Variants in HNRNPM observed in about 807,000 individuals in gnomAD.
HNRNPM encodes the protein CEA receptor.
HNRNPM carries 11 observed loss-of-function variants against 73.1 expected under a neutral mutation model. That is an observed-to-expected ratio of 0.15 (90% CI 0.09 to 0.25). The LOEUF is 0.25. Among genes scored for constraint, HNRNPM ranks in the 10% least tolerant of loss-of-function variants. The pLI, the probability that HNRNPM is intolerant of heterozygous loss-of-function variation, is 1.00. For missense variants in HNRNPM, 789 were observed against 1,067.9 expected (o/e 0.74, Z 3.64); for synonymous variants, 407 against 355.2 (o/e 1.15, Z -1.64).
intron 9 of HNRNPM, 78 bp downstream of exon 9, chr19:8,468,912 C>A: frequency 8.4e-7 from 1 of 1,187,086 alleles, no homozygotes; most frequent in Non-Finnish European, 1.3e-6. Context: ...TATGGTTTCA[C>A]TTGAACCTGT....
rs1433832193 is a variant in HNRNPM at position 8,468,755 on chromosome 19, T to G, written c.835-19T>G. The G allele has an allele frequency of 6.2e-7, 1 of 1,608,216 alleles. No homozygotes were observed. Among genetic ancestry groups the G allele is most frequent in the Non-Finnish European group, 8.5e-7 (1 of 1,174,716 alleles). On this transcript the variant is annotated intron_variant, in intron 8 of 15. Coordinates refer to ENST00000325495, the MANE Select transcript of HNRNPM (RefSeq NM_005968.5). ...GCTGCACTGGATACTGAGATTTGTT[T>G]GTTTTCTTTCTCTTTCAGGATGAGA...
intron 12 of HNRNPM, among the ~76,000 whole-genome samples, chr19:8,482,083 C>G (rs1970961904): frequency 6.6e-6 from 1 of 151,952 alleles, no homozygotes; most frequent in Non-Finnish European, 1.5e-5. Context: ...AGCGATTCTC[C>G]CGCCTCAGCC....
chr19:8,486,984 T>G (rs1013870771), intron 14 of HNRNPM, 40 bp from the exon 15 acceptor site: 6 of 1,557,614 alleles, frequency 3.9e-6, no homozygotes, highest in African/African-American at 1.4e-5. Flanking sequence ...TAGGATTTGG[T>G]TTAATCACGC....
chr19:8,488,265 A>G (rs1971456448), intron 15 of HNRNPM: 1 of 155,196 alleles, frequency 6.4e-6, no homozygotes, highest in South Asian at 1.9e-4. Flanking sequence ...ACATATCTGG[A>G]TGCTTAACGG....
chr19:8,466,678 T>C (rs1969767533), intron 7 of HNRNPM, among the ~76,000 whole-genome samples: 1 of 151,770 alleles, frequency 6.6e-6, no homozygotes, highest in South Asian at 2.1e-4. Context: ...ATGCAAAAAT[T>C]AGCTGGGCGC....
Position 8,463,705 on chromosome 19 carries a change from C to T in HNRNPM, c.438+19C>T, listed in dbSNP as rs373048049. The T allele has an allele frequency of 2.0e-5, 30 of 1,473,056 alleles. No individual in the cohort carries two copies. In the African/African-American group the frequency reaches 3.5e-4, roughly 17 times the overall value. 91.2% of individuals were successfully genotyped at this position (1,473,056 alleles called of 1,614,324 possible). ...CAAAGAAGTAAGCTCTTGCTTAACACTGCGGATACTGTGTGTAATTGTTGA... is the reference window on the plus strand; with the variant it reads ...CAAAGAAGTAAGCTCTTGCTTAACATTGCGGATACTGTGTGTAATTGTTGA... On this transcript the variant is annotated intron_variant, in intron 5 of 15. Coordinates refer to ENST00000325495, the MANE Select transcript of HNRNPM (RefSeq NM_005968.5).
intron 2 of HNRNPM, among the ~76,000 whole-genome samples, chr19:8,460,700 T>C (rs1357187570): frequency 1.3e-5 from 2 of 152,256 alleles, no homozygotes; most frequent in African/African-American, 2.4e-5. Flanking sequence ...AAACTTCCCA[T>C]GCAACTGGGA....
In HNRNPM at chr19:8,462,282, A is replaced by T; in HGVS notation, c.284-247A>T. On this transcript the variant is annotated intron_variant, in intron 2 of 15. Coordinates refer to ENST00000325495, the MANE Select transcript of HNRNPM (RefSeq NM_005968.5). This position sits in a 1 kb window ranked among gnomAD's most constrained non-coding sequence, Gnocchi z 4.5. ...GAGTCTTCCAGACAGGGAAATTGAT[A>T]CGGAAATCTGTGGAATAGCTTGTTT... 8.5e-6 allele frequency: 4 copies of T among 468,026 alleles called. No individual in the cohort carries two copies. In the South Asian group the frequency reaches 1.2e-4, roughly 14 times the overall value. 29.0% of individuals were successfully genotyped at this position (468,026 alleles called of 1,614,324 possible). A position where few individuals can be genotyped will look rare whatever the true frequency, so the allele number is the denominator to read the frequency against.
intron 12 of HNRNPM, among the ~76,000 whole-genome samples, chr19:8,478,447 T>C (rs1433834486): frequency 2.0e-5 from 3 of 151,800 alleles, no homozygotes; most frequent in African/African-American, 7.3e-5. Flanking sequence ...AGGAAGGAGA[T>C]GGGGATATCT....
intron 1 of HNRNPM, among the ~76,000 whole-genome samples, chr19:8,453,598 C>T (rs938072199): frequency 4.0e-5 from 6 of 151,630 alleles, no homozygotes; most frequent in Non-Finnish European, 5.9e-5. Flanking sequence ...GTTTTTTTTC[C>T]GGTTTTGTCA....
rs1969457481 is a variant in HNRNPM, at chr19:8,462,290, CTG to C, written c.284-236_284-235del. 1 of 482,356 alleles carries C rather than the reference CTG, an allele frequency of 2.1e-6. No homozygotes were observed. The highest frequency in any genetic ancestry group is 3.8e-6 in the Non-Finnish European group (1 of 264,502). 29.9% of individuals were successfully genotyped at this position (482,356 alleles called of 1,614,324 possible). A position where few individuals can be genotyped will look rare whatever the true frequency, so the allele number is the denominator to read the frequency against. Reference sequence around the variant, plus strand: ...CAGACAGGGAAATTGATACGGAAATCTGTGGAATAGCTTGTTTGTGGTGGGAG... The same window carrying C: ...CAGACAGGGAAATTGATACGGAAATCTGGAATAGCTTGTTTGTGGTGGGAG... On this transcript the variant is annotated intron_variant, in intron 2 of 15. Coordinates refer to ENST00000325495, the MANE Select transcript of HNRNPM (RefSeq NM_005968.5). The surrounding 1 kb of genome is among the most constrained non-coding windows in gnomAD (Gnocchi z 4.5).
intron 10 of HNRNPM, among the ~76,000 whole-genome samples, chr19:8,473,118 G>A (rs2145703751): frequency 6.6e-6 from 1 of 152,188 alleles, no homozygotes; most frequent in South Asian, 2.1e-4. Context: ...AGGTGTGGTG[G>A]CGTAGTCCCA....
At chr19:8,469,703 C>T (rs915483940) in intron 9 of HNRNPM, among the ~76,000 whole-genome samples, 2 of 152,172 alleles carry the variant, frequency 1.3e-5, no homozygotes, top group Admixed American at 6.5e-5. Flanking sequence ...GAATCACTGG[C>T]GCAGGTAAAG....
chr19:8,479,078 C>CTTTTTTTTT lies in HNRNPM; in HGVS notation c.1121-4064_1121-4056dup, dbSNP rs74176651. 1.2e-3 allele frequency among the ~76,000 whole-genome samples: 86 copies of CTTTTTTTTT among 73,836 alleles called. 3 individuals carry two copies. The highest frequency in any genetic ancestry group is 1.3e-3 in the Non-Finnish European group (51 of 39,428). The allele number at this position is 73,836 out of a possible 152,430, so 48.4% of individuals were successfully genotyped here. On this transcript the variant is annotated intron_variant, in intron 12 of 15. Transcript: ENST00000325495. ...ATTTCCTCCTCTTTTTTCTTTCTTT[C>CTTTTTTTTT]TTTTTTTTTTTTTTTTTTTTTTTTC... is the stretch of plus-strand genomic sequence containing the variant.
intron 12 of HNRNPM, among the ~76,000 whole-genome samples, chr19:8,478,264 A>C (rs1273193958): frequency 6.6e-6 from 1 of 152,178 alleles, no homozygotes; most frequent in East Asian, 1.9e-4. Flanking sequence ...AAGAATGAAT[A>C]ATGGTTTCCT....
chr19:8,485,127 A>G (rs1242490612), intron 13 of HNRNPM, among the ~76,000 whole-genome samples: 1 of 151,722 alleles, frequency 6.6e-6, no homozygotes, highest in Non-Finnish European at 1.5e-5. Context: ...CCCCCAGCAG[A>G]GCATCCTAGA....
intron 12 of HNRNPM, among the ~76,000 whole-genome samples, chr19:8,479,974 C>T (rs1180606931): frequency 6.8e-6 from 1 of 146,144 alleles, no homozygotes; most frequent in Non-Finnish European, 1.5e-5. Flanking sequence ...GGGGTTTCAC[C>T]ATCTTGGCCA....
intron 15 of HNRNPM, chr19:8,488,482 A>T: frequency 2.2e-6 from 1 of 450,086 alleles, no homozygotes; most frequent in Admixed American, 3.7e-5. Context: ...CGTGCATTGA[A>T]TCCGCCAGGA....
intron 5 of HNRNPM, among the ~76,000 whole-genome samples, chr19:8,464,423 C>G (rs566179799): frequency 6.6e-6 from 1 of 152,088 alleles, no homozygotes; most frequent in South Asian, 2.1e-4. Context: ...GGATCAAGGT[C>G]ATGAGTTCAA....
Sources: allele counts gnomAD v4.1 joint callset (sites outside exome capture counted in the v4.1 genomes callset), GRCh38; gene constraint gnomAD v4.1.1; non-coding constraint Gnocchi (gnomAD v3.1); transcripts MANE v1.5; gene names NCBI Gene and HGNC (gene_info 2026-07-23, HGNC 2026-07-21).